Variants in DSCAM observed in about 807,000 individuals in gnomAD.
DSCAM encodes the protein DS cell adhesion molecule.
Under a neutral mutation model 217.7 loss-of-function variants are expected in DSCAM, and 47 were observed. The observed-to-expected ratio is 0.22, with a 90% CI of 0.17 to 0.28. The LOEUF (loss-of-function observed/expected upper bound fraction) is 0.28, where lower values mean the gene tolerates loss of function less well. DSCAM is among the 10% of genes least tolerant of loss of function. The pLI is 1.00. For missense variants in DSCAM, 2,080 were observed against 2,618.3 expected (o/e 0.79, Z 4.49); for synonymous variants, 1,056 against 1,015.3 (o/e 1.04, Z -0.76).
chr21:40,067,350 A>G (rs2089221613), intron 27 of DSCAM, among the ~76,000 whole-genome samples: 1 of 152,212 alleles, frequency 6.6e-6, no homozygotes, highest in South Asian at 2.1e-4. Flanking sequence ...TTTACATTTG[A>G]TTGTTCAAAG....
chr21:40,112,096 A>T (rs2089906461), intron 20 of DSCAM, among the ~76,000 whole-genome samples: 1 of 149,738 alleles, frequency 6.7e-6, no homozygotes, highest in African/African-American at 2.4e-5. Flanking sequence ...TCTCCACCCC[A>T]AATCAACAGA....
intron 3 of DSCAM, among the ~76,000 whole-genome samples, chr21:40,651,745 T>TGA (rs1420712078): frequency 6.6e-6 from 1 of 152,234 alleles, no homozygotes; most frequent in Non-Finnish European, 1.5e-5. Flanking sequence ...AAGAAATATC[T>TGA]TGGTTTTGTT....
intron 15 of DSCAM, among the ~76,000 whole-genome samples, chr21:40,170,933 T>C (rs1000437189): frequency 6.6e-6 from 1 of 152,168 alleles, no homozygotes; most frequent in Admixed American, 6.5e-5. Flanking sequence ...GTTGCAACCT[T>C]GATTTTCCAG....
rs187547864 is a variant in DSCAM at position 40,546,890 on chromosome 21, G to A, written c.508+145920C>T. 6.6e-5 allele frequency among the ~76,000 whole-genome samples: 10 copies of A among 152,254 alleles called. No individual in the cohort carries two copies. The East Asian group carries it at 1.5e-3, about 24-fold the overall frequency. On this transcript the variant is annotated intron_variant, in intron 3 of 32. Transcript: ENST00000400454. Reference sequence around the variant, plus strand: ...TTTTCAGGAGAGGCCTAGTGAGAATGTGGTTTTGCTCCAGGGGCTGGGGCT... The same window carrying A: ...TTTTCAGGAGAGGCCTAGTGAGAATATGGTTTTGCTCCAGGGGCTGGGGCT...
chr21:40,702,912 A>G (rs1014127644), intron 2 of DSCAM, among the ~76,000 whole-genome samples: 1 of 152,176 alleles, frequency 6.6e-6, no homozygotes, highest in Non-Finnish European at 1.5e-5. Flanking sequence ...CCATGTCTTC[A>G]CTGTAGGCCT....
rs375806906 is a variant in DSCAM, at chr21:40,189,220, G to A, written c.2375C>T (p.Ser792Phe). 5.7e-6 allele frequency: 9 copies of A among 1,592,342 alleles called. No individual in the cohort carries two copies. Among genetic ancestry groups the A allele is most frequent in the Non-Finnish European group, 7.7e-6 (9 of 1,171,116 alleles). Residue 792 changes from serine (S) to phenylalanine (F), a missense_variant, in exon 12 of 33, where the codon TCC becomes TTC. Ser to Phe is a radical substitution (Grantham distance 155). Around this residue, in one of 5 missense-constraint regions of DSCAM, gnomAD observed 218 missense variants for 364.1 expected, o/e 0.60. Coordinates refer to ENST00000400454, the MANE Select transcript of DSCAM (RefSeq NM_001389.5). ...CGTGGCCAGGGTAGTATTTGGATAG[G>A]ATGTTATCATCGCAGGAACTGAAAA... ...LTVKIPAMIT[S>F]YPNTTLATQG...
chr21:40,195,668 C>T (rs1031789971), intron 11 of DSCAM, among the ~76,000 whole-genome samples: 2 of 152,136 alleles, frequency 1.3e-5, no homozygotes, highest in Non-Finnish European at 2.9e-5. Context: ...GCAGATATGG[C>T]AGAGGAGGGT....
chr21:40,831,711 T>C (rs2092013162), intron 1 of DSCAM, among the ~76,000 whole-genome samples: 1 of 152,178 alleles, frequency 6.6e-6, no homozygotes, highest in Admixed American at 6.5e-5. Context: ...TGTCATCTGG[T>C]CTCCAATTTT....
chr21:40,835,051 C>T (rs2092046035), intron 1 of DSCAM, among the ~76,000 whole-genome samples: 1 of 152,202 alleles, frequency 6.6e-6, no homozygotes, highest in African/African-American at 2.4e-5. Context: ...GGGAAAAATA[C>T]TCAACACTTA....
chr21:40,614,425 C>T (rs2089360046), intron 3 of DSCAM, among the ~76,000 whole-genome samples: 1 of 152,010 alleles, frequency 6.6e-6, no homozygotes, highest in South Asian at 2.1e-4. Flanking sequence ...TTACAAACAC[C>T]AAACTGTTGA....
At chr21:40,031,512 G>A (rs1048969074) in intron 32 of DSCAM, among the ~76,000 whole-genome samples, 11 of 152,254 alleles carry the variant, frequency 7.2e-5, no homozygotes, top group Non-Finnish European at 1.5e-4. Context: ...TCATTTATCA[G>A]AATAGTGTGT....
intron 1 of DSCAM, among the ~76,000 whole-genome samples, chr21:40,767,998 AAAG>A (rs1488513495): frequency 6.6e-6 from 1 of 152,178 alleles, no homozygotes; most frequent in South Asian, 2.1e-4. Flanking sequence ...ACAGGGACAA[AAAG>A]AAAAAAAATC....
At chr21:40,038,839 T>A (rs200151544) in intron 32 of DSCAM, among the ~76,000 whole-genome samples, 33 of 151,464 alleles carry the variant, frequency 2.2e-4, no homozygotes, top group African/African-American at 4.1e-4. Flanking sequence ...ATGCAGCCAT[T>A]AAAAATGATG....
chr21:40,426,248 G>C (rs1350139921), intron 3 of DSCAM, among the ~76,000 whole-genome samples: 2 of 152,250 alleles, frequency 1.3e-5, no homozygotes, highest in Non-Finnish European at 2.9e-5. Context: ...GTTAACAGAA[G>C]CTGCATAGAT....
chr21:40,399,667 T>C lies in DSCAM; in HGVS notation c.509-30422A>G, dbSNP rs780356491. Among the ~76,000 whole-genome samples, 17 of 152,356 alleles carry C rather than the reference T, an allele frequency of 1.1e-4. No homozygotes were observed. In the South Asian group the frequency reaches 3.1e-3, roughly 28 times the overall value. On this transcript the variant is annotated intron_variant, in intron 3 of 32. Transcript: ENST00000400454. The stretch of plus-strand genomic sequence containing the variant: ...TTAATTTAGTTACTGCCTAGCAATG[T>C]GCTCAGCAAAAAATGCTGCCACGGT...
intron 11 of DSCAM, among the ~76,000 whole-genome samples, chr21:40,191,730 C>T (rs2090954630): frequency 6.6e-6 from 1 of 152,136 alleles, no homozygotes; most frequent in African/African-American, 2.4e-5. Flanking sequence ...AGCCATGCTC[C>T]CTCTAAGAGC....
Position 40,011,916 on chromosome 21 carries a change from T to G in DSCAM, c.*1118A>C, listed in dbSNP as rs2088062696. The G allele has an allele frequency of 6.6e-6, 1 of 152,166 alleles. No homozygotes were observed. The highest frequency in any genetic ancestry group is 2.4e-5 in the African/African-American group (1 of 41,424). The allele number at this position is 152,166 out of a possible 1,614,324, so 9.4% of individuals were successfully genotyped here. A position where few individuals can be genotyped will look rare whatever the true frequency, so the allele number is the denominator to read the frequency against. ...TACATTTCAGACTCCAGAGCACGGG[T>G]CTGGCAAATGTTTCCTGTAATGGGC... is the stretch of plus-strand genomic sequence containing the variant. On this transcript the variant is annotated 3_prime_UTR_variant, in exon 33 of 33. Transcript: ENST00000400454.
chr21:40,839,332 T>C (rs559207125), intron 1 of DSCAM, among the ~76,000 whole-genome samples: 2 of 152,348 alleles, frequency 1.3e-5, no homozygotes, highest in East Asian at 3.9e-4. Context: ...CTTCTCTCAG[T>C]AATTGCTTTA....
At chr21:40,550,395 C>T (rs191554590) in intron 3 of DSCAM, among the ~76,000 whole-genome samples, 142 of 152,246 alleles carry the variant, frequency 9.3e-4, no homozygotes, top group African/African-American at 3.0e-3. Flanking sequence ...CATGGTGGCA[C>T]GCGCCTGTAA....
Sources: allele counts gnomAD v4.1 joint callset (sites outside exome capture counted in the v4.1 genomes callset), GRCh38; gene constraint gnomAD v4.1.1; regional missense constraint gnomAD v4.1.1; transcripts MANE v1.5; gene names NCBI Gene and HGNC (gene_info 2026-07-23, HGNC 2026-07-21).